HIVEP1: variants seen among roughly 807,000 people sequenced by gnomAD.
HIVEP1 encodes HIVEP zinc finger 1, also known as zinc finger protein 40.
In HIVEP1, 36 loss-of-function variants were observed where a neutral mutation model predicts 180.0. That is an observed-to-expected ratio of 0.20 (90% CI 0.15 to 0.26). The LOEUF (loss-of-function observed/expected upper bound fraction) is 0.26, where lower values mean the gene tolerates loss of function less well. Among genes scored for constraint, HIVEP1 ranks in the 10% least tolerant of loss-of-function variants. The probability of loss-of-function intolerance (pLI) is 1.00; values close to 1 mark genes in which losing one functional copy is unlikely to be tolerated. For synonymous variants in HIVEP1, 1,239 were observed against 1,239.0 expected, an observed-to-expected ratio of 1.00 and a Z score of 0.00; for missense variants, 3,143 against 3,268.7, an observed-to-expected ratio of 0.96 and a Z score of 0.94.
In HIVEP1 at chr6:12,164,232, A is replaced by G; in HGVS notation, c.7928A>G (p.His2643Arg). The change falls in exon 9 of 9, where the codon CAC becomes CGC. Residue 2643 changes from histidine (H) to arginine (R), a missense_variant. By Grantham distance (29) the His-to-Arg change is conservative (BLOSUM62 0). This residue lies in a region of HIVEP1 where 595 missense variants were observed against 602.2 expected (regional missense o/e 0.99). Coordinates refer to ENST00000379388, the MANE Select transcript of HIVEP1 (RefSeq NM_002114.4). Reference protein sequence around the residue: ...MDTEKAASANHVKPKPELTSI... With the variant: ...MDTEKAASANRVKPKPELTSI... ...ACAGAGAAGGCTGCCTCGGCAAATC[A>G]CGTGAAGCCCAAGCCTGAACTCACT... 6.2e-7 allele frequency: 1 copy of G among 1,614,114 alleles called. No individual in the cohort carries two copies. Among genetic ancestry groups the G allele is most frequent in the Non-Finnish European group, 8.5e-7 (1 of 1,180,030 alleles).
intron 3 of HIVEP1, among the ~76,000 whole-genome samples, chr6:12,097,315 A>C (rs1178944881): frequency 7.2e-6 from 1 of 138,832 alleles, no homozygotes; most frequent in Non-Finnish European, 1.6e-5. Flanking sequence ...TGCACCAGCC[A>C]TTTTTTTTTT....
intron 2 of HIVEP1, among the ~76,000 whole-genome samples, chr6:12,059,325 A>C (rs1172521859): frequency 6.6e-6 from 1 of 152,194 alleles, no homozygotes; most frequent in Non-Finnish European, 1.5e-5. Context: ...GGCGTGAGCC[A>C]CTGCGCCCAG....
rs1485458820 is a variant in HIVEP1, at chr6:12,154,282, A to G, written c.6488-7157A>G. ...TAGTATATAAATAAACTAGTTTCAG[A>G]AATCCTTACCTTTACTCCTGTAAGA... is the stretch of plus-strand genomic sequence containing the variant. On this transcript the variant is annotated intron_variant, in intron 7 of 8. Transcript: ENST00000379388. Among the ~76,000 whole-genome samples, 3 of 152,198 alleles carry G rather than the reference A, an allele frequency of 2.0e-5. No individual in the cohort carries two copies. The East Asian group carries it at 5.8e-4, about 29-fold the overall frequency.
At chr6:12,132,219 AGG>A (rs1353301970) in intron 6 of HIVEP1, among the ~76,000 whole-genome samples, 1 of 152,166 alleles carries the variant, frequency 6.6e-6, no homozygotes, top group Non-Finnish European at 1.5e-5. Flanking sequence ...GGACTCTGAT[AGG>A]GTAAAGTACT....
chr6:12,148,554 G>T (rs1759508026), intron 7 of HIVEP1, among the ~76,000 whole-genome samples: 1 of 152,138 alleles, frequency 6.6e-6, no homozygotes, highest in Admixed American at 6.5e-5. Context: ...AACCTTTTGT[G>T]GTATCATGGG....
intron 7 of HIVEP1, among the ~76,000 whole-genome samples, chr6:12,160,601 GCAAAAAGAAAAAAA>G (rs1385761793): frequency 6.6e-6 from 1 of 152,014 alleles, no homozygotes; most frequent in African/African-American, 2.4e-5. Context: ...ATTTTTAAAG[GCAAAAAGAAAAAAA>G]CAAAAACAAA....
At chr6:12,055,251 A>G (rs1172395610) in intron 2 of HIVEP1, among the ~76,000 whole-genome samples, 2 of 152,330 alleles carry the variant, frequency 1.3e-5, no homozygotes, top group South Asian at 2.1e-4. Flanking sequence ...AAGGCGGACG[A>G]ATCACGAGGT....
the HIVEP1 span, among the ~76,000 whole-genome samples, chr6:12,179,647 C>G: frequency 3.9e-5 from 6 of 152,154 alleles, no homozygotes; most frequent in Non-Finnish European, 7.4e-5. Flanking sequence ...CTGCTTTTAC[C>G]ATTATGACTA....
At chr6:12,107,688 T>C (rs1774527311) in intron 3 of HIVEP1, among the ~76,000 whole-genome samples, 1 of 152,128 alleles carries the variant, frequency 6.6e-6, no homozygotes. Context: ...ATAAAGGCAG[T>C]GTGGACCCAA....
At chr6:12,167,572 T>TTATATTACATG (rs1734930672), downstream of HIVEP1, among the ~76,000 whole-genome samples, 8 of 8,584 alleles carry the variant, frequency 9.3e-4, no homozygotes, top group East Asian at 0.018. Context: ...TACATGCATG[T>TTATATTACATG]TATATATACG....
intron 2 of HIVEP1, among the ~76,000 whole-genome samples, chr6:12,041,637 A>G (rs1023073112): frequency 1.3e-5 from 2 of 151,326 alleles, no homozygotes; most frequent in Non-Finnish European, 2.9e-5. Flanking sequence ...TAATTTAGTT[A>G]TTTCTTTGAT....
At chr6:12,192,494 G>C in the HIVEP1 span, among the ~76,000 whole-genome samples, 8 of 152,196 alleles carry the variant, frequency 5.3e-5, no homozygotes, top group Admixed American at 3.3e-4. Context: ...GTAATTCCCA[G>C]TGTTGCGGGA....
chr6:12,150,319 C>T (rs1307929027), intron 7 of HIVEP1, among the ~76,000 whole-genome samples: 2 of 152,148 alleles, frequency 1.3e-5, no homozygotes, highest in East Asian at 1.9e-4. Flanking sequence ...AGAATGTTTT[C>T]GTCAACAAAT....
chr6:12,061,841 A>T (rs185742135), intron 2 of HIVEP1, among the ~76,000 whole-genome samples: 1 of 152,210 alleles, frequency 6.6e-6, no homozygotes, highest in Non-Finnish European at 1.5e-5. Context: ...CAGTTTAAAA[A>T]AAATTTCTAA....
intron 3 of HIVEP1, among the ~76,000 whole-genome samples, chr6:12,119,413 A>G (rs558836064): frequency 1.3e-5 from 2 of 152,214 alleles, no homozygotes; most frequent in Admixed American, 6.5e-5. Flanking sequence ...GCAGATCCCA[A>G]TCAGCCATAC....
chr6:12,202,811 G>T, the HIVEP1 span, among the ~76,000 whole-genome samples: 352 of 152,246 alleles, frequency 2.3e-3, 2 homozygotes, highest in African/African-American at 8.1e-3. Flanking sequence ...ATCCTCTGTA[G>T]CATGAGCATT....
At chr6:12,158,099 C>A (rs219949) in intron 7 of HIVEP1, among the ~76,000 whole-genome samples, 110,807 of 151,964 alleles carry the variant, frequency 0.73, 40,760 homozygotes, top group African/African-American at 0.76. Flanking sequence ...TCATATCTGA[C>A]TGTGGTTCTG....
chr6:12,163,949 A>T lies in HIVEP1; in HGVS notation c.7645A>T (p.Ile2549Leu). The T allele has an allele frequency of 1.9e-6, 3 of 1,614,132 alleles. No individual in the cohort carries two copies. Among genetic ancestry groups the T allele is most frequent in the Non-Finnish European group, 2.5e-6 (3 of 1,180,024 alleles). The change falls in exon 9 of 9, where the codon ATA becomes TTA. Residue 2549 changes from isoleucine (I) to leucine (L), a missense_variant. Ile to Leu is a conservative substitution (Grantham distance 5). This residue lies in a region of HIVEP1 where 595 missense variants were observed against 602.2 expected (regional missense o/e 0.99). Transcript: ENST00000379388. ...CATTCCAGGTCTCCAGATCTTGAAC[A>T]TAGCATTGCCCACCTTAATCCCCTC... Reference protein sequence around the residue: ...AHIPGLQILNIALPTLIPSVS... With the variant: ...AHIPGLQILNLALPTLIPSVS...
At chr6:12,080,661 C>T (rs1772728626) in intron 2 of HIVEP1, among the ~76,000 whole-genome samples, 1 of 152,082 alleles carries the variant, frequency 6.6e-6, no homozygotes, top group African/African-American at 2.4e-5. Flanking sequence ...ATCTACTTTT[C>T]TCTTTGAACT....
Sources: gnomAD v4.1 joint callset for allele counts (sites outside exome capture counted in the v4.1 genomes callset) on GRCh38, gnomAD v4.1.1 for gene constraint, gnomAD v4.1.1 regional missense constraint, MANE v1.5 for transcripts, NCBI Gene and HGNC (gene_info 2026-07-23, HGNC 2026-07-21) for gene names.